Variants in ADAMTSL1 observed in about 807,000 individuals in gnomAD.
ADAMTSL1 encodes ADAMTS-like protein 1.
ADAMTSL1 carries 126 observed loss-of-function variants against 201.8 expected under a neutral mutation model. The ratio of observed to expected loss-of-function variants is 0.62; its 90% CI spans 0.54 to 0.72. The LOEUF is 0.72. Among genes scored for constraint, ADAMTSL1 ranks in the 30% least tolerant of loss-of-function variants. The pLI is 0.00. For synonymous variants in ADAMTSL1, 1,121 were observed against 903.4 expected (o/e 1.24, Z -4.32); for missense variants, 2,679 against 2,277.8 (o/e 1.18, Z -3.59).
intron 2 of ADAMTSL1, among the ~76,000 whole-genome samples, chr9:18,337,013 A>G (rs1396825769): frequency 6.6e-6 from 1 of 152,144 alleles, no homozygotes; most frequent in Non-Finnish European, 1.5e-5. Context: ...TTGAGTATCA[A>G]TTTGATTGGA....
At position 18,847,385 on chromosome 9, in the gene ADAMTSL1, C is replaced by T. The variant is rs568626902; in HGVS notation, c.4249+17408C>T. Among the ~76,000 whole-genome samples the T allele has an allele frequency of 3.3e-5, 5 of 152,228 alleles. No individual in the cohort carries two copies. In the South Asian group the frequency reaches 8.3e-4, roughly 25 times the overall value. ...ATGTTTTCAGCACCATTGAAGGCAG[C>T]AGAGACAAAACAGACAAAAGTCCCT... is the stretch of plus-strand genomic sequence containing the variant. On this transcript the variant is annotated intron_variant, in intron 23 of 28. Transcript: ENST00000380548.
upstream of ADAMTSL1, among the ~76,000 whole-genome samples, chr9:18,469,487 A>T (rs755803002): frequency 4.6e-5 from 7 of 152,252 alleles, no homozygotes; most frequent in Non-Finnish European, 7.3e-5. Context: ...TGAGTTACCA[A>T]AGAAAAAGAC....
chr9:18,887,834 G>A lies in ADAMTSL1; in HGVS notation c.4253G>A (p.Cys1418Tyr). 6.2e-7 allele frequency: 1 copy of A among 1,613,552 alleles called. No homozygotes were observed. The highest frequency in any genetic ancestry group is 8.5e-7 in the Non-Finnish European group (1 of 1,179,716). The change falls in exon 24 of 29, where the codon TGC becomes TAC. Residue 1418 changes from cysteine (C) to tyrosine (Y), a missense_variant. Coordinates refer to ENST00000380548, the MANE Select transcript of ADAMTSL1 (RefSeq NM_001040272.6). ...LDPGNSALLG[C>Y]PIKGHPVPNI... ...ACTTCTTTTCCTCTCCTTCTAGGCT[G>A]CCCCATCAAAGGTCACCCTGTCCCT...
intron 1 of ADAMTSL1, among the ~76,000 whole-genome samples, chr9:18,020,966 C>T (rs897475880): frequency 6.6e-6 from 1 of 152,114 alleles, no homozygotes; most frequent in Admixed American, 6.5e-5. Flanking sequence ...AATCCCTAGT[C>T]ATCTGGGCGT....
chr9:18,280,467 T>C (rs1202399223), intron 2 of ADAMTSL1, among the ~76,000 whole-genome samples: 1 of 152,096 alleles, frequency 6.6e-6, no homozygotes, highest in Non-Finnish European at 1.5e-5. Flanking sequence ...CTGTGATGTA[T>C]CTGTAGATCA....
chr9:17,939,881 G>T (rs1349381166), intron 1 of ADAMTSL1, among the ~76,000 whole-genome samples: 1 of 152,112 alleles, frequency 6.6e-6, no homozygotes, highest in Non-Finnish European at 1.5e-5. Context: ...ATGAAGGGGG[G>T]AGCAAAAGAG....
intron 26 of ADAMTSL1, among the ~76,000 whole-genome samples, chr9:18,903,665 C>G (rs1417853519): frequency 6.6e-6 from 1 of 151,998 alleles, no homozygotes; most frequent in African/African-American, 2.4e-5. Context: ...TAGAGACATC[C>G]ATGCAGCTAG....
At chr9:18,596,686 G>A (rs892679297) in intron 4 of ADAMTSL1, among the ~76,000 whole-genome samples, 6 of 152,168 alleles carry the variant, frequency 3.9e-5, no homozygotes, top group African/African-American at 1.2e-4. Context: ...GGAGGAAAAT[G>A]AGGTTATGAG....
intron 2 of ADAMTSL1, among the ~76,000 whole-genome samples, chr9:18,254,530 C>CT (rs1224856036): frequency 2.0e-5 from 3 of 151,348 alleles, no homozygotes; most frequent in East Asian, 2.0e-4. Context: ...GCCCGGCTAA[C>CT]TTTTTTGTAT....
At chr9:18,299,543 A>G (rs997701461) in intron 2 of ADAMTSL1, among the ~76,000 whole-genome samples, 1 of 152,212 alleles carries the variant, frequency 6.6e-6, no homozygotes, top group Non-Finnish European at 1.5e-5. Context: ...GGGAGAGAAC[A>G]CAAGGAACAG....
At chr9:18,377,130 A>C (rs1237470181) in intron 2 of ADAMTSL1, among the ~76,000 whole-genome samples, 1 of 152,232 alleles carries the variant, frequency 6.6e-6, no homozygotes, top group Admixed American at 6.5e-5. Context: ...GACAACGGTT[A>C]AGACCATGGG....
At chr9:18,381,517 T>C (rs1837553803) in intron 2 of ADAMTSL1, among the ~76,000 whole-genome samples, 1 of 152,226 alleles carries the variant, frequency 6.6e-6, no homozygotes, top group African/African-American at 2.4e-5. Context: ...GTCTGGGACA[T>C]TGACTCCTTC....
At chr9:18,660,840 A>C (rs894743302) in intron 8 of ADAMTSL1, among the ~76,000 whole-genome samples, 1 of 152,148 alleles carries the variant, frequency 6.6e-6, no homozygotes, top group Non-Finnish European at 1.5e-5. Flanking sequence ...TGAACAATTA[A>C]TTTCTGTGGG....
chr9:17,913,707 C>G (rs963289545), intron 1 of ADAMTSL1, among the ~76,000 whole-genome samples: 80 of 152,040 alleles, frequency 5.3e-4, no homozygotes, highest in Non-Finnish European at 2.1e-4. Flanking sequence ...CACAAAAAAC[C>G]CTTCAAAAAA....
At chr9:18,481,208 C>T (rs1821712210) in intron 1 of ADAMTSL1, among the ~76,000 whole-genome samples, 1 of 152,176 alleles carries the variant, frequency 6.6e-6, no homozygotes, top group Admixed American at 6.5e-5. Context: ...TTCAAACAAT[C>T]TTTAACACAT....
chr9:18,887,389 T>C (rs1016644763), intron 23 of ADAMTSL1, among the ~76,000 whole-genome samples: 3 of 152,198 alleles, frequency 2.0e-5, no homozygotes, highest in Admixed American at 6.5e-5. Flanking sequence ...AATGAGGGAA[T>C]ATGATACTTT....
chr9:18,159,077 C>A (rs1252481047), intron 1 of ADAMTSL1, among the ~76,000 whole-genome samples: 1 of 152,010 alleles, frequency 6.6e-6, no homozygotes, highest in Non-Finnish European at 1.5e-5. Flanking sequence ...TCAGTATCCA[C>A]TGATATTTAA....
At chr9:18,869,933 AT>A (rs1162425881) in intron 23 of ADAMTSL1, among the ~76,000 whole-genome samples, 2 of 151,574 alleles carry the variant, frequency 1.3e-5, no homozygotes, top group Non-Finnish European at 2.9e-5. Flanking sequence ...TTAGACCTCA[AT>A]TTTTTTTCAA....
intron 23 of ADAMTSL1, among the ~76,000 whole-genome samples, chr9:18,865,788 G>T (rs376940412): frequency 7.2e-5 from 11 of 152,218 alleles, no homozygotes; most frequent in African/African-American, 2.6e-4. Flanking sequence ...TTAGAAAGCA[G>T]CCTTGCCAAG....
Sources: gnomAD v4.1 joint callset for allele counts (sites outside exome capture counted in the v4.1 genomes callset) on GRCh38, gnomAD v4.1.1 for gene constraint, MANE v1.5 for transcripts, NCBI Gene and HGNC (gene_info 2026-07-23, HGNC 2026-07-21) for gene names.